The following LAMC3 variants were observed in gnomAD, a reference collection of about 807,000 sequenced individuals.
LAMC3 encodes laminin subunit gamma-3.
Under a neutral mutation model 173.8 loss-of-function variants are expected in LAMC3, and 128 were observed. The ratio of observed to expected loss-of-function variants is 0.74; its 90% CI spans 0.64 to 0.85. LAMC3 has a LOEUF of 0.85. LAMC3 is among the 40% of genes least tolerant of loss of function. The pLI, the probability that LAMC3 is intolerant of heterozygous loss-of-function variation, is 0.00. For missense variants in LAMC3, 2,022 were observed against 2,156.0 expected (o/e 0.94, Z 1.23); for synonymous variants, 897 against 909.1 (o/e 0.99, Z 0.24).
chr9:131,049,803 C>T (rs1286241087), intron 9 of LAMC3, among the ~76,000 whole-genome samples: 2 of 152,206 alleles, frequency 1.3e-5, no homozygotes, highest in Non-Finnish European at 2.9e-5. Context: ...CCATGGCATT[C>T]TTGCAAAAGG....
chr9:131,087,620 C>T lies in LAMC3; in HGVS notation c.4375C>T (p.Arg1459Trp), dbSNP rs1411067036. Residue 1459 changes from arginine (R) to tryptophan (W), a missense_variant and splice_region_variant, in exon 26 of 28, where the codon CGG (arginine) becomes TGG (tryptophan). Coordinates refer to ENST00000361069, the MANE Select transcript of LAMC3 (RefSeq NM_006059.4). ...ARRQELEEAE[R>W]VGAGLSEMEQ... The stretch of plus-strand genomic sequence containing the variant: ...CAGACAGGAGCTGGAGGAAGCTGAG[C>T]GGGTACGTTTGCCAGGGCCCCTACC... The T allele has an allele frequency of 9.9e-6, 16 of 1,613,814 alleles. No individual in the cohort carries two copies. Among genetic ancestry groups the T allele is most frequent in the Middle Eastern group, 1.6e-4 (1 of 6,084 alleles).
intron 20 of LAMC3, among the ~76,000 whole-genome samples, 174 bp downstream of exon 20, chr9:131,073,495 A>G (rs894838403): frequency 1.3e-5 from 2 of 152,192 alleles, no homozygotes; most frequent in African/African-American, 4.8e-5. Context: ...GTATAAGTCC[A>G]GAGATGTTAG....
intron 11 of LAMC3, among the ~76,000 whole-genome samples, chr9:131,056,716 C>T (rs2133290578): frequency 6.6e-6 from 1 of 152,110 alleles, no homozygotes; most frequent in South Asian, 2.1e-4. Context: ...TCACTGGAGA[C>T]TAGGAGTCGA....
At chr9:131,037,529 G>A (rs567647191) in intron 4 of LAMC3, among the ~76,000 whole-genome samples, 178 of 152,182 alleles carry the variant, frequency 1.2e-3, no homozygotes, top group Non-Finnish European at 1.7e-3. Flanking sequence ...CTTGAAACAC[G>A]GCCTCACTCT....
intron 1 of LAMC3, among the ~76,000 whole-genome samples, chr9:131,020,597 CA>C (rs1833607656): frequency 6.6e-6 from 1 of 152,224 alleles, no homozygotes; most frequent in Admixed American, 6.5e-5. Flanking sequence ...TGAGCCAAAA[CA>C]TGACTGAGAC....
At chr9:131,088,329 G>A (rs147789456) in intron 27 of LAMC3, among the ~76,000 whole-genome samples, 52 of 152,298 alleles carry the variant, frequency 3.4e-4, no homozygotes, top group African/African-American at 1.3e-3. Flanking sequence ...TGGAAAATGG[G>A]AGTAACAGTG....
intron 20 of LAMC3, among the ~76,000 whole-genome samples, chr9:131,073,728 G>T (rs547601493): frequency 6.6e-6 from 1 of 152,060 alleles, no homozygotes; most frequent in East Asian, 1.9e-4. Flanking sequence ...ACCACAACCA[G>T]TTTTAGGATT....
Position 131,026,698 on chromosome 9 carries a change from C to A in LAMC3, c.678+109C>A. On this transcript the variant is annotated intron_variant, in intron 2 of 27. Coordinates refer to ENST00000361069, the MANE Select transcript of LAMC3 (RefSeq NM_006059.4). The surrounding 1 kb of genome is among the most constrained non-coding windows in gnomAD (Gnocchi z 4.8). ...ACAGGGTGGGGGACCTGCAAAACCC[C>A]ATGGTTTTCTTTTTCTTCTTTTATT... is the stretch of plus-strand genomic sequence containing the variant. 1.4e-6 allele frequency: 2 copies of A among 1,422,942 alleles called. No individual in the cohort carries two copies. Among genetic ancestry groups the A allele is most frequent in the Middle Eastern group, 5.2e-4 (2 of 3,880 alleles). The allele number at this position is 1,422,942 out of a possible 1,614,324, so 88.1% of individuals were successfully genotyped here. A position where few individuals can be genotyped will look rare whatever the true frequency, so the allele number is the denominator to read the frequency against.
chr9:131,090,197 G>A (rs912033933), intron 27 of LAMC3, among the ~76,000 whole-genome samples: 3 of 152,186 alleles, frequency 2.0e-5, no homozygotes, highest in African/African-American at 7.2e-5. Flanking sequence ...CGTGCAGGTA[G>A]CCACTAGTCG....
chr9:131,032,625 ACTCTCTCTTG>A (rs1564368564), intron 3 of LAMC3, among the ~76,000 whole-genome samples: 39 of 64,000 alleles, frequency 6.1e-4, no homozygotes, highest in African/African-American at 2.3e-3. Flanking sequence ...TCTCTCTCTC[ACTCTCTCTTG>A]CTCTCTCGCT....
chr9:131,026,212 T>C lies in LAMC3; in HGVS notation c.374-73T>C, dbSNP rs1833712329. On this transcript the variant is annotated intron_variant, in intron 1 of 27. Transcript: ENST00000361069. The surrounding 1 kb of genome is among the most constrained non-coding windows in gnomAD (Gnocchi z 4.8). ...CACGCTAGTGCCTGCAATGCAGCCG[T>C]CTGTCCTTCCTAGACCAGGATTCCA... 1 of 1,598,044 alleles carries C rather than the reference T, an allele frequency of 6.3e-7. No homozygotes were observed. The highest frequency in any genetic ancestry group is 1.3e-5 in the African/African-American group (1 of 74,362).
chr9:131,088,093 G>C (rs1164818706), intron 27 of LAMC3, among the ~76,000 whole-genome samples: 1 of 152,188 alleles, frequency 6.6e-6, no homozygotes, highest in East Asian at 1.9e-4. Context: ...GGGGCACACA[G>C]AAAACTCACC....
At chr9:131,084,470 A>C (rs1268545931) in intron 24 of LAMC3, among the ~76,000 whole-genome samples, 1 of 152,188 alleles carries the variant, frequency 6.6e-6, no homozygotes, top group East Asian at 1.9e-4. Context: ...CCTCCAGAGT[A>C]GCTGGGATTA....
intron 12 of LAMC3, among the ~76,000 whole-genome samples, chr9:131,058,074 TG>T (rs1829729749): frequency 6.6e-6 from 1 of 151,646 alleles, no homozygotes; most frequent in Non-Finnish European, 1.5e-5. Context: ...TGGTTGCTGC[TG>T]GCTACTCATT....
At chr9:131,057,236 C>G (rs544259326) in intron 12 of LAMC3, 89 bp downstream of exon 12, 1 of 1,182,296 alleles carries the variant, frequency 8.5e-7, no homozygotes, top group Admixed American at 1.8e-5. Context: ...CAGCCTGGCA[C>G]AGGCATTGAG....
At chr9:131,071,750 C>T (rs1450488675) in intron 18 of LAMC3, 125 bp downstream of exon 18, 2 of 882,890 alleles carry the variant, frequency 2.3e-6, no homozygotes, top group Non-Finnish European at 3.3e-6. Context: ...GCCTTTACTT[C>T]CCTAGCCCAC....
chr9:131,042,490 C>G (rs1040328616), intron 7 of LAMC3, among the ~76,000 whole-genome samples: 2 of 150,822 alleles, frequency 1.3e-5, no homozygotes, highest in African/African-American at 4.9e-5. Context: ...TTCACACTCA[C>G]GGCCAACATC....
At position 131,026,235 on chromosome 9, in the gene LAMC3, C is replaced by G. The variant is rs745804344; in HGVS notation, c.374-50C>G. On this transcript the variant is annotated intron_variant, in intron 1 of 27. Transcript: ENST00000361069. The surrounding 1 kb of genome is among the most constrained non-coding windows in gnomAD (Gnocchi z 4.8). ...CGTCTGTCCTTCCTAGACCAGGATTCCATACCTCCTTCCCCTTCCATAAAA... is the reference window on the plus strand; with the variant it reads ...CGTCTGTCCTTCCTAGACCAGGATTGCATACCTCCTTCCCCTTCCATAAAA... 1 of 1,610,966 alleles carries G rather than the reference C, an allele frequency of 6.2e-7. No homozygotes were observed. The highest frequency in any genetic ancestry group is 8.5e-7 in the Non-Finnish European group (1 of 1,178,916).
chr9:131,076,669 C>T (rs1024720832), intron 21 of LAMC3, among the ~76,000 whole-genome samples: 2 of 152,120 alleles, frequency 1.3e-5, no homozygotes, highest in East Asian at 3.9e-4. Context: ...GACAGCTGGT[C>T]AGGACAGAAA....
Sources: gnomAD v4.1 joint callset for allele counts (sites outside exome capture counted in the v4.1 genomes callset) on GRCh38, gnomAD v4.1.1 for gene constraint, Gnocchi (gnomAD v3.1) non-coding constraint, MANE v1.5 for transcripts, NCBI Gene and HGNC (gene_info 2026-07-23, HGNC 2026-07-21) for gene names.